Variants in FAF1 observed in about 807,000 individuals in gnomAD.
FAF1 encodes FAS-associated factor 1.
Under a neutral mutation model 92.5 loss-of-function variants are expected in FAF1, and 25 were observed. The ratio of observed to expected loss-of-function variants is 0.27; its 90% confidence interval spans 0.20 to 0.38. The LOEUF is 0.38. FAF1 is among the 10% of genes least tolerant of loss of function. FAF1 has a pLI of 1.00. For synonymous variants in FAF1, 234 were observed against 273.2 expected (o/e 0.86, Z 1.42); for missense variants, 636 against 793.3 (o/e 0.80, Z 2.38).
At chr1:50,623,732 A>G (rs1189827277) in intron 8 of FAF1, among the ~76,000 whole-genome samples, 1 of 152,058 alleles carries the variant, frequency 6.6e-6, no homozygotes, top group Admixed American at 6.6e-5. Context: ...ACTTGAGCCC[A>G]GGTGTTCAAG....
intron 14 of FAF1, among the ~76,000 whole-genome samples, chr1:50,538,304 C>T (rs1047988927): frequency 6.6e-6 from 1 of 151,854 alleles, no homozygotes; most frequent in African/African-American, 2.4e-5. Context: ...AGTGCTTTAC[C>T]CATACCTCCC....
At chr1:50,764,172 A>T (rs775101483) in intron 4 of FAF1, among the ~76,000 whole-genome samples, 9 of 152,164 alleles carry the variant, frequency 5.9e-5, no homozygotes, top group Admixed American at 1.3e-4. Context: ...TAAGGAGTTC[A>T]TTACTATTAT....
At chr1:50,846,432 AGCTC>A (rs1196488863) in intron 2 of FAF1, 2 of 398,372 alleles carry the variant, frequency 5.0e-6, no homozygotes. Context: ...CCTGGGAACC[AGCTC>A]GCTTCCGAGC....
In FAF1 at chr1:50,768,165, A is replaced by G. The variant is rs570181814; in HGVS notation, c.367+19835T>C. On this transcript the variant is annotated intron_variant, in intron 4 of 18. Transcript: ENST00000396153. ...TTGCTATTCTAACTTCAGACAAAAC[A>G]CACCTTAAACCAAAAAGATTAAAAA... is the stretch of plus-strand genomic sequence containing the variant. 3.3e-5 allele frequency among the ~76,000 whole-genome samples: 5 copies of G among 152,288 alleles called. No individual in the cohort carries two copies. The South Asian group carries it at 1.0e-3, about 32-fold the overall frequency.
At chr1:50,918,174 CT>C (rs869179803) in intron 1 of FAF1, among the ~76,000 whole-genome samples, 7,536 of 129,952 alleles carry the variant, frequency 0.058, 253 homozygotes, top group African/African-American at 0.12. Flanking sequence ...ATGTAAATTT[CT>C]TTTTTTTTTT....
At chr1:50,705,730 G>T in intron 7 of FAF1, 56 bp downstream of exon 7, 1 of 959,074 alleles carries the variant, frequency 1.0e-6, no homozygotes, top group Non-Finnish European at 1.7e-6. Context: ...CTTTAACAGG[G>T]TCAACATTAG....
At chr1:50,882,473 A>C (rs1321777363) in intron 1 of FAF1, among the ~76,000 whole-genome samples, 3 of 151,904 alleles carry the variant, frequency 2.0e-5, no homozygotes, top group Non-Finnish European at 4.4e-5. Context: ...ATGGTGACAC[A>C]TGCCTGTAAT....
intron 4 of FAF1, among the ~76,000 whole-genome samples, chr1:50,782,530 T>C (rs770048202): frequency 6.6e-6 from 1 of 151,988 alleles, no homozygotes; most frequent in Non-Finnish European, 1.5e-5. Context: ...GTTATAAAAA[T>C]GTCAAAAAAT....
chr1:50,732,789 T>A (rs926100915), intron 6 of FAF1, among the ~76,000 whole-genome samples: 3 of 152,186 alleles, frequency 2.0e-5, no homozygotes, highest in Non-Finnish European at 4.4e-5. Flanking sequence ...CTATTATACT[T>A]GTTTTCCTGT....
intron 1 of FAF1, among the ~76,000 whole-genome samples, chr1:50,882,787 A>T (rs192423249): frequency 1.6e-3 from 237 of 152,040 alleles, no homozygotes; most frequent in African/African-American, 5.4e-3. Context: ...GGAGTTCAAG[A>T]CCAGCGTGGC....
chr1:50,472,479 A>G (rs1646589022), intron 18 of FAF1, among the ~76,000 whole-genome samples: 1 of 151,076 alleles, frequency 6.6e-6, no homozygotes, highest in Non-Finnish European at 1.5e-5. Flanking sequence ...TTTCTGGGGA[A>G]GGCCTATGTC....
At chr1:50,691,900 C>G (rs1289031621) in intron 7 of FAF1, among the ~76,000 whole-genome samples, 2 of 152,172 alleles carry the variant, frequency 1.3e-5, no homozygotes, top group Admixed American at 6.5e-5. Flanking sequence ...TATGTATACA[C>G]TATGAAATGA....
chr1:50,859,824 A>G (rs1644418319), intron 1 of FAF1, among the ~76,000 whole-genome samples: 1 of 152,092 alleles, frequency 6.6e-6, no homozygotes, highest in Non-Finnish European at 1.5e-5. Context: ...AGCTGGAGGC[A>G]TCACATTATC....
intron 4 of FAF1, among the ~76,000 whole-genome samples, chr1:50,765,465 T>C (rs550388703): frequency 1.3e-5 from 2 of 152,300 alleles, no homozygotes; most frequent in South Asian, 4.1e-4. Flanking sequence ...ACATTAAGGA[T>C]AGGGGACTCT....
intron 7 of FAF1, among the ~76,000 whole-genome samples, chr1:50,692,720 T>C (rs1225354252): frequency 6.6e-6 from 1 of 152,222 alleles, no homozygotes; most frequent in African/African-American, 2.4e-5. Flanking sequence ...ATCTTGCTTA[T>C]TGTGAACAAT....
chr1:50,472,115 AGGGGAGCTG>A (rs907991324), intron 18 of FAF1, among the ~76,000 whole-genome samples: 1 of 151,828 alleles, frequency 6.6e-6, no homozygotes. Flanking sequence ...GTAGGTCTGG[AGGGGAGCTG>A]GGGGAGCTGG....
At chr1:50,737,189 T>TA (rs1360316848) in intron 6 of FAF1, among the ~76,000 whole-genome samples, 29 of 152,204 alleles carry the variant, frequency 1.9e-4, no homozygotes, top group African/African-American at 6.8e-4. Context: ...TAATGCTAGA[T>TA]AAAGTACTCA....
At chr1:50,849,305 C>G (rs1358367421) in intron 2 of FAF1, among the ~76,000 whole-genome samples, 1 of 151,590 alleles carries the variant, frequency 6.6e-6, no homozygotes, top group Non-Finnish European at 1.5e-5. Flanking sequence ...ACCAGTAGCA[C>G]TATGCCAATT....
chr1:50,589,429 C>G (rs1241030798), intron 9 of FAF1, among the ~76,000 whole-genome samples: 1 of 152,116 alleles, frequency 6.6e-6, no homozygotes, highest in Admixed American at 6.5e-5. Context: ...AGGTCACACA[C>G]CCAGAGACTG....
Sources: allele counts gnomAD v4.1 joint callset (sites outside exome capture counted in the v4.1 genomes callset), GRCh38; gene constraint gnomAD v4.1.1; transcripts MANE v1.5; gene names NCBI Gene and HGNC (gene_info 2026-07-23, HGNC 2026-07-21).